Variants in MAL observed in about 807,000 individuals in gnomAD.
MAL encodes the protein mal, T cell differentiation protein (MAL blood group).
Under a neutral mutation model 16.7 loss-of-function variants are expected in MAL, and 5 were observed. The observed-to-expected ratio is 0.30, with a 90% confidence interval of 0.16 to 0.63. The LOEUF is 0.63. MAL is among the 30% of genes least tolerant of loss of function. The pLI, the probability that MAL is intolerant of heterozygous loss-of-function variation, is 0.82. For synonymous variants in MAL, 96 were observed against 85.5 expected (o/e 1.12, Z -0.67); for missense variants, 202 against 195.8 (o/e 1.03, Z -0.19).
At chr2:95,035,355 G>A (rs1674179258) in intron 1 of MAL, among the ~76,000 whole-genome samples, 1 of 152,172 alleles carries the variant, frequency 6.6e-6, no homozygotes, top group Admixed American at 6.5e-5. Flanking sequence ...TGTTTATCCT[G>A]CTGGGTAAGG....
At position 95,047,964 on chromosome 2, in the gene MAL, C is replaced by CG; in HGVS notation, c.104dup (p.Leu36ProfsTer89). On this transcript the variant is annotated frameshift_variant, in exon 2 of 4. Transcript: ENST00000309988. LOFTEE classifies it high-confidence loss of function. ...CCCCTCCTCCTCCCCCGCAGATCTTCGGGGGCCTGGTGTGGATCCTGGTGG... is the reference window on the plus strand; with the variant it reads ...CCCCTCCTCCTCCCCCGCAGATCTTCGGGGGGCCTGGTGTGGATCCTGGTGG... The CG allele has an allele frequency of 6.2e-7, 1 of 1,613,336 alleles. No individual in the cohort carries two copies. Among genetic ancestry groups the CG allele is most frequent in the Non-Finnish European group, 8.5e-7 (1 of 1,179,632 alleles).
At chr2:95,030,356 A>G (rs1327054427) in intron 1 of MAL, among the ~76,000 whole-genome samples, 2 of 152,096 alleles carry the variant, frequency 1.3e-5, no homozygotes, top group East Asian at 1.9e-4. Flanking sequence ...CCCTCCTCCA[A>G]CAAAACCCAG....
chr2:95,034,795 A>C (rs904025201), intron 1 of MAL, among the ~76,000 whole-genome samples: 1 of 152,054 alleles, frequency 6.6e-6, no homozygotes, highest in African/African-American at 2.4e-5. Context: ...TCTTTGTTGG[A>C]GGTGACCCTT....
At position 95,042,638 on chromosome 2, in the gene MAL, G is replaced by A. The variant is rs1015671119; in HGVS notation, c.94-5321G>A. On this transcript the variant is annotated intron_variant, in intron 1 of 3. Transcript: ENST00000309988. ...AGTAACAGGGTGCAGCTGTGGGGTC[G>A]GAGGAAGTCTGGCCAGTTGGCAGAA... 1.1e-4 allele frequency among the ~76,000 whole-genome samples: 16 copies of A among 152,282 alleles called. No homozygotes were observed. In the East Asian group the frequency reaches 2.9e-3, roughly 28 times the overall value.
chr2:95,029,798 T>G (rs758464885), intron 1 of MAL, among the ~76,000 whole-genome samples: 7 of 152,204 alleles, frequency 4.6e-5, no homozygotes, highest in Non-Finnish European at 8.8e-5. Context: ...TTGTATTCTC[T>G]TATAAAGATG....
chr2:95,046,837 G>A (rs1009354999), intron 1 of MAL, among the ~76,000 whole-genome samples: 9 of 150,718 alleles, frequency 6.0e-5, no homozygotes, highest in African/African-American at 2.2e-4. Context: ...GAAAGAAAGA[G>A]AGAGAAAGAG....
chr2:95,050,842 G>A (rs762785118), intron 3 of MAL, among the ~76,000 whole-genome samples: 126 of 152,202 alleles, frequency 8.3e-4, no homozygotes, highest in Non-Finnish European at 2.8e-4. Flanking sequence ...TGGTTTCCAA[G>A]CAGCAGCACA....
intron 1 of MAL, among the ~76,000 whole-genome samples, chr2:95,042,424 T>G (rs1468381904): frequency 2.0e-5 from 3 of 152,210 alleles, no homozygotes; most frequent in Non-Finnish European, 4.4e-5. Flanking sequence ...GGTTTTTTTC[T>G]AAAGGTGCCC....
chr2:95,032,975 A>T (rs1674122050), intron 1 of MAL, among the ~76,000 whole-genome samples: 1 of 152,228 alleles, frequency 6.6e-6, no homozygotes, highest in Non-Finnish European at 1.5e-5. Flanking sequence ...CACCAGCCAC[A>T]GCACCTCCGC....
chr2:95,049,447 T>C, intron 2 of MAL, 134 bp from the exon 3 acceptor site: 1 of 1,163,900 alleles, frequency 8.6e-7, no homozygotes, highest in Non-Finnish European at 1.2e-6. Context: ...GGGACCTCCG[T>C]GACAAGGTTG....
rs768306808 is a variant in MAL, at chr2:95,053,603, C to T, written c.*148C>T. ...CACTGCCCAAAAAAAAAAGCCCTGC[C>T]CTGTTGCTCGTGGGTGCTGTGTTTA... On this transcript the variant is annotated 3_prime_UTR_variant, in exon 4 of 4. Transcript: ENST00000309988. 16 of 651,114 alleles carry T rather than the reference C, an allele frequency of 2.5e-5. No homozygotes were observed. The highest frequency in any genetic ancestry group is 4.2e-5 in the Non-Finnish European group (16 of 377,806). The allele number at this position is 651,114 out of a possible 1,614,324, so 40.3% of individuals were successfully genotyped here. A position where few individuals can be genotyped will look rare whatever the true frequency, so the allele number is the denominator to read the frequency against.
At chr2:95,050,431 C>A (rs1384187248) in intron 3 of MAL, among the ~76,000 whole-genome samples, 1 of 152,256 alleles carries the variant, frequency 6.6e-6, no homozygotes, top group Non-Finnish European at 1.5e-5. Flanking sequence ...AAAGAGCACT[C>A]TTCAGATCTC....
Position 95,048,036 on chromosome 2 carries a change from C to G in MAL, c.171C>G (p.Phe57Leu), listed in dbSNP as rs773233622. 2 of 1,613,742 alleles carry G rather than the reference C, an allele frequency of 1.2e-6. No individual in the cohort carries two copies. Among genetic ancestry groups the G allele is most frequent in the Non-Finnish European group, 1.7e-6 (2 of 1,179,884 alleles). Reference sequence around the variant, plus strand: ...CCCTGGTCCAGGGCTGGGTGATGTTCGTGTCTGTGTTCTGCTTCGTGGCCA... The same window carrying G: ...CCCTGGTCCAGGGCTGGGTGATGTTGGTGTCTGTGTTCTGCTTCGTGGCCA... Reference protein sequence around the residue: ...PWPLVQGWVMFVSVFCFVATT... With the variant: ...PWPLVQGWVMLVSVFCFVATT... The change falls in exon 2 of 4, where the codon TTC becomes TTG. Residue 57 changes from phenylalanine (F) to leucine (L), a missense_variant. Coordinates refer to ENST00000309988, the MANE Select transcript of MAL (RefSeq NM_002371.4).
chr2:95,031,755 G>A (rs1250926345), intron 1 of MAL, among the ~76,000 whole-genome samples: 1 of 152,224 alleles, frequency 6.6e-6, no homozygotes, highest in East Asian at 1.9e-4. Flanking sequence ...ACTGGCTCCT[G>A]GCTCTGTCCC....
chr2:95,050,737 C>T lies in MAL; in HGVS notation c.387+1031C>T, dbSNP rs548387590. On this transcript the variant is annotated intron_variant, in intron 3 of 3. Coordinates refer to ENST00000309988, the MANE Select transcript of MAL (RefSeq NM_002371.4). ...CCCTCAAGCTCCCAGCCTACAATCG[C>T]TCCCCTAAAAAGGGCCCCCTCAGGA... is the stretch of plus-strand genomic sequence containing the variant. 5.9e-5 allele frequency among the ~76,000 whole-genome samples: 9 copies of T among 152,350 alleles called. No homozygotes were observed. In the South Asian group the frequency reaches 1.9e-3, roughly 32 times the overall value.
In MAL at chr2:95,053,650, C is replaced by T. The variant is rs192956297; in HGVS notation, c.*195C>T. ...TTTACTCTCCCGTGTGCCTTCGCGT[C>T]CGGGTTGGGAGCTTGCTGTGTCTAA... On this transcript the variant is annotated 3_prime_UTR_variant, in exon 4 of 4. Coordinates refer to ENST00000309988, the MANE Select transcript of MAL (RefSeq NM_002371.4). 1,762 of 587,210 alleles carry T rather than the reference C, an allele frequency of 3.0e-3. 7 individuals are homozygous for T. Among genetic ancestry groups the T allele is most frequent in the Admixed American group, 6.3e-3 (212 of 33,678 alleles). The allele number at this position is 587,210 out of a possible 1,614,324, so 36.4% of individuals were successfully genotyped here.
chr2:95,035,901 C>T (rs1000067547), intron 1 of MAL, among the ~76,000 whole-genome samples: 12 of 152,106 alleles, frequency 7.9e-5, no homozygotes, highest in Non-Finnish European at 1.6e-4. Context: ...AATCTCCTGA[C>T]CTCGTGATCC....
Position 95,048,029 on chromosome 2 carries a change from T to C in MAL, c.164T>C (p.Val55Ala). The C allele has an allele frequency of 1.2e-6, 2 of 1,613,728 alleles. No individual in the cohort carries two copies. The highest frequency in any genetic ancestry group is 1.7e-4 in the Middle Eastern group (1 of 6,052). ...CCCTGGCCCCTGGTCCAGGGCTGGG[T>C]GATGTTCGTGTCTGTGTTCTGCTTC... ...LVPWPLVQGWVMFVSVFCFVA... is the reference protein window; with the variant it reads ...LVPWPLVQGWAMFVSVFCFVA... The change falls in exon 2 of 4, where the codon GTG (valine) becomes GCG (alanine). Residue 55 changes from valine (V) to alanine (A), a missense_variant. Coordinates refer to ENST00000309988, the MANE Select transcript of MAL (RefSeq NM_002371.4).
rs139989847 is a variant in MAL at position 95,053,381 on chromosome 2, G to A, written c.388G>A (p.Val130Met). The stretch of plus-strand genomic sequence containing the variant: ...TAACGGCCATTTCTCTTGGTTCCAG[G>A]TGTTCTCCTACATAGCCACTCTGCT... ...RHYHENIAAV[V>M]FSYIATLLYV... is the part of the protein sequence containing the mutation. The change falls in exon 4 of 4, where the codon GTG becomes ATG. Residue 130 changes from valine to methionine, a missense_variant and splice_region_variant. Coordinates refer to ENST00000309988, the MANE Select transcript of MAL (RefSeq NM_002371.4). 1.1e-5 allele frequency: 17 copies of A among 1,609,924 alleles called. No homozygotes were observed. The highest frequency in any genetic ancestry group is 1.4e-5 in the Non-Finnish European group (16 of 1,176,576).
Sources: allele counts gnomAD v4.1 joint callset (sites outside exome capture counted in the v4.1 genomes callset), GRCh38; gene constraint gnomAD v4.1.1; transcripts MANE v1.5; gene names NCBI Gene and HGNC (gene_info 2026-07-23, HGNC 2026-07-21).